Variants in DTNA observed in about 807,000 individuals in gnomAD.
The protein encoded by DTNA is dystrophin-related protein 3.
DTNA carries 43 observed loss-of-function variants against 100.7 expected under a neutral mutation model. The observed-to-expected ratio is 0.43, with a 90% CI of 0.33 to 0.55. The LOEUF (loss-of-function observed/expected upper bound fraction) is 0.55. Among genes scored for constraint, DTNA ranks in the 20% least tolerant of loss-of-function variants. The pLI is 0.04. For missense variants in DTNA, 798 were observed against 953.9 expected (o/e 0.84, Z 2.15); for synonymous variants, 349 against 347.9 (o/e 1.00, Z -0.04).
At chr18:34,708,358 T>C (rs1021210057), upstream of DTNA, 6 of 152,230 alleles carry the variant, frequency 3.9e-5, no homozygotes, top group Non-Finnish European at 8.8e-5. Flanking sequence ...ATGATGAAGA[T>C]TCTTTACAGT....
At chr18:34,715,424 CAT>C (rs2083833959) in intron 1 of DTNA, among the ~76,000 whole-genome samples, 3 of 152,042 alleles carry the variant, frequency 2.0e-5, no homozygotes, top group Admixed American at 1.3e-4. Flanking sequence ...CTCAAACACA[CAT>C]GTTATGAAAT....
In DTNA at chr18:34,879,628, A is replaced by G; in HGVS notation, c.2071A>G (p.Thr691Ala). 6.2e-7 allele frequency: 1 copy of G among 1,613,888 alleles called. No homozygotes were observed. The highest frequency in any genetic ancestry group is 8.5e-7 in the Non-Finnish European group (1 of 1,179,962). ...GTTTGAGGATCTTGTTCCCTCACCA[A>G]CCTCTGAAAAGGCTTTTCTAGCGCA... ...TQFEDLVPSPTSEKAFLAQIH... is the reference protein window; with the variant it reads ...TQFEDLVPSPASEKAFLAQIH... The change falls in exon 20 of 23, where the codon ACC becomes GCC. Residue 691 changes from threonine to alanine, a missense_variant. Coordinates refer to ENST00000444659, the MANE Select transcript of DTNA (RefSeq NM_001386795.1).
intron 1 of DTNA, among the ~76,000 whole-genome samples, chr18:34,544,034 C>CAG (rs1337404192): frequency 2.0e-5 from 3 of 151,988 alleles, no homozygotes; most frequent in African/African-American, 7.2e-5. Flanking sequence ...CATAAAAAGC[C>CAG]AGTTAGTAGG....
intron 1 of DTNA, among the ~76,000 whole-genome samples, chr18:34,522,423 C>G (rs2042230463): frequency 6.6e-6 from 1 of 152,102 alleles, no homozygotes; most frequent in Non-Finnish European, 1.5e-5. Context: ...GGGAAATGTA[C>G]TTTTATGTGG....
intron 6 of DTNA, among the ~76,000 whole-genome samples, 190 bp downstream of exon 6, chr18:34,812,303 A>T (rs1182090747): frequency 6.6e-6 from 1 of 152,188 alleles, no homozygotes; most frequent in Non-Finnish European, 1.5e-5. Context: ...TCACAATAAT[A>T]GACAGTGTTT....
intron 6 of DTNA, among the ~76,000 whole-genome samples, chr18:34,813,051 T>G (rs1435830418): frequency 6.6e-6 from 1 of 152,172 alleles, no homozygotes; most frequent in Non-Finnish European, 1.5e-5. Context: ...TATCTATGTG[T>G]GTACCTCTCT....
chr18:34,672,264 A>G (rs2076863705), intron 1 of DTNA, among the ~76,000 whole-genome samples: 1 of 152,114 alleles, frequency 6.6e-6, no homozygotes. Flanking sequence ...TATATTCATA[A>G]AAGGAGATTT....
At position 34,811,983 on chromosome 18, in the gene DTNA, C is replaced by G. The variant is rs1389768558; in HGVS notation, c.473C>G (p.Ser158Cys). Residue 158 changes from serine (S) to cysteine (C), a missense_variant, in exon 6 of 23, where the codon TCC (serine) becomes TGC (cysteine). Physicochemically the swap from Ser to Cys is moderately radical, Grantham distance 112. Around this residue, in one of 6 missense-constraint regions of DTNA, gnomAD observed 197 missense variants for 215.4 expected, o/e 0.91. Transcript: ENST00000444659. ...GATATTTTCTCAATGATTTCTGACT[C>G]CAGTGGGGTGATGGTTTATGGACGA... ...LRYIFSMISD[S>C]SGVMVYGRYD... 7.4e-6 allele frequency: 12 copies of G among 1,613,962 alleles called. No homozygotes were observed. Among genetic ancestry groups the G allele is most frequent in the Admixed American group, 3.3e-5 (2 of 59,990 alleles).
chr18:34,503,015 T>C (rs1274383697), intron 1 of DTNA, among the ~76,000 whole-genome samples: 1 of 152,244 alleles, frequency 6.6e-6, no homozygotes, highest in African/African-American at 2.4e-5. Context: ...ACTTTGGCTT[T>C]ACATATTTTA....
intron 11 of DTNA, among the ~76,000 whole-genome samples, chr18:34,834,246 A>C (rs1490841780): frequency 6.6e-6 from 1 of 152,090 alleles, no homozygotes; most frequent in African/African-American, 2.4e-5. Flanking sequence ...TTGTAATTCC[A>C]GCACTTTGGG....
intron 18 of DTNA, among the ~76,000 whole-genome samples, chr18:34,877,494 C>T (rs967555818): frequency 5.9e-5 from 9 of 152,184 alleles, no homozygotes; most frequent in African/African-American, 2.2e-4. Context: ...ATATATGAAA[C>T]TCCATCATTA....
intron 1 of DTNA, among the ~76,000 whole-genome samples, chr18:34,561,382 A>C (rs1182194477): frequency 6.6e-6 from 1 of 152,168 alleles, no homozygotes; most frequent in Non-Finnish European, 1.5e-5. Context: ...ATATTTTTTC[A>C]TGTGTTTTAA....
intron 1 of DTNA, among the ~76,000 whole-genome samples, chr18:34,738,252 C>T (rs141639532): frequency 8.5e-5 from 13 of 152,212 alleles, no homozygotes; most frequent in African/African-American, 1.2e-4. Context: ...CTTTTACTTG[C>T]CATTCTCTCA....
chr18:34,650,820 TC>T (rs2060359870), intron 1 of DTNA, among the ~76,000 whole-genome samples: 1 of 152,194 alleles, frequency 6.6e-6, no homozygotes, highest in Non-Finnish European at 1.5e-5. Context: ...ATATAGTTAT[TC>T]TTTTTACTGT....
chr18:34,860,502 A>T (rs1456975129), intron 16 of DTNA, among the ~76,000 whole-genome samples: 1 of 152,142 alleles, frequency 6.6e-6, no homozygotes, highest in African/African-American at 2.4e-5. Context: ...TTCTTCTTCC[A>T]TACAAAAAGA....
At chr18:34,622,089 A>G (rs1339823596) in intron 1 of DTNA, among the ~76,000 whole-genome samples, 1 of 152,194 alleles carries the variant, frequency 6.6e-6, no homozygotes, top group African/African-American at 2.4e-5. Flanking sequence ...ATTGGTGACT[A>G]TAGCTAGTAA....
At chr18:34,768,031 CAGA>C (rs984634635) in intron 3 of DTNA, among the ~76,000 whole-genome samples, 2 of 152,162 alleles carry the variant, frequency 1.3e-5, no homozygotes, top group East Asian at 1.9e-4. Context: ...AATGTTCCCA[CAGA>C]AGAAGTTTCC....
intron 11 of DTNA, among the ~76,000 whole-genome samples, chr18:34,834,529 C>T (rs1271114761): frequency 2.0e-5 from 3 of 151,828 alleles, no homozygotes; most frequent in African/African-American, 7.3e-5. Flanking sequence ...GTTTATTTGG[C>T]TCATGGTTCT....
intron 11 of DTNA, among the ~76,000 whole-genome samples, chr18:34,833,492 A>G (rs2096065484): frequency 6.6e-6 from 1 of 152,044 alleles, no homozygotes; most frequent in Non-Finnish European, 1.5e-5. Context: ...AAAGGTCTAA[A>G]AAGGAAGTGG....
Sources: allele counts gnomAD v4.1 joint callset (sites outside exome capture counted in the v4.1 genomes callset), GRCh38; gene constraint gnomAD v4.1.1; regional missense constraint gnomAD v4.1.1; transcripts MANE v1.5; gene names NCBI Gene and HGNC (gene_info 2026-07-23, HGNC 2026-07-21).